Variants in CCL3L3 observed in about 807,000 individuals in gnomAD.
CCL3L3 encodes the protein C-C motif chemokine ligand 3 like 3.
CCL3L3 carries 6 observed loss-of-function variants against 9.0 expected under a neutral mutation model. The ratio of observed to expected loss-of-function variants is 0.67; its 90% confidence interval spans 0.37 to 1.32. CCL3L3 has a LOEUF of 1.32. Among genes scored for constraint, CCL3L3 ranks in the 40% most tolerant of loss-of-function variants. CCL3L3 has a pLI of 0.02. For synonymous variants in CCL3L3, 38 were observed against 45.7 expected (o/e 0.83, Z 0.68); for missense variants, 93 against 117.0 (o/e 0.79, Z 0.95).
intron 1 of CCL3L3, chr17:36,196,357 A>G (rs1348477649): frequency 8.9e-4 from 621 of 699,178 alleles, no homozygotes; most frequent in Non-Finnish European, 1.3e-4. Context: ...CTGTTTTTCT[A>G]TCTGTACAAG....
Position 36,194,924 on chromosome 17 carries a change from CAA to C in CCL3L3, c.*360_*361del. On this transcript the variant is annotated 3_prime_UTR_variant, in exon 3 of 3. Coordinates refer to ENST00000619989, the MANE Select transcript of CCL3L3 (RefSeq NM_001001437.4). The stretch of plus-strand genomic sequence containing the variant: ...TCCCCAGGCCGATCACAGCCCTGAA[CAA>C]AAGCATCTGATACACATTTGTCAGT... 1 of 272,694 alleles carries C rather than the reference CAA, an allele frequency of 3.7e-6. No homozygotes were observed. Among genetic ancestry groups the C allele is most frequent in the South Asian group, 5.9e-5 (1 of 16,932 alleles). 16.9% of individuals were successfully genotyped at this position (272,694 alleles called of 1,614,324 possible).
At position 36,195,005 on chromosome 17, in the gene CCL3L3, TGTC is replaced by T. The variant is rs2068605049; in HGVS notation, c.*278_*280del. The T allele has an allele frequency of 2.5e-6, 1 of 406,656 alleles. No homozygotes were observed. The highest frequency in any genetic ancestry group is 1.9e-5 in the African/African-American group (1 of 51,334). 25.2% of individuals were successfully genotyped at this position (406,656 alleles called of 1,614,324 possible). A position where few individuals can be genotyped will look rare whatever the true frequency, so the allele number is the denominator to read the frequency against. On this transcript the variant is annotated 3_prime_UTR_variant, in exon 3 of 3. Coordinates refer to ENST00000619989, the MANE Select transcript of CCL3L3 (RefSeq NM_001001437.4). ...CACAGGCCGATGACAGCCACTCGGT[TGTC>T]ACCAGACACACTGTGAGGGAAGGTG...
chr17:36,195,690 A>C (rs2068613415), intron 2 of CCL3L3, 108 bp downstream of exon 2: 1 of 1,403,296 alleles, frequency 7.1e-7, no homozygotes, highest in East Asian at 2.3e-5. Context: ...TGTATCCCCG[A>C]TAGGCTCCTG....
At chr17:36,195,957 A>T in intron 1 of CCL3L3, 45 bp from the exon 2 acceptor site, 3 of 1,569,574 alleles carry the variant, frequency 1.9e-6, no homozygotes, top group Non-Finnish European at 2.6e-6. Flanking sequence ...GCTCAGAAGA[A>T]AAGGCCAGGC....
rs1469974171 is a variant in CCL3L3 at position 36,196,632 on chromosome 17, G to T, written c.42C>A (p.Thr14=). ...AGAGGACCTGGTTGCAGAGAGCCAT[G>T]GTGCAGAGGAGGACGGCAAGGGCAG... ...STAALAVLLC[T]MALCNQVLSA... is the part of the protein sequence containing the mutation. Residue 14 remains threonine (T), a synonymous_variant, in exon 1 of 3, where the codon ACC becomes ACA. Transcript: ENST00000619989. 1.9e-6 allele frequency: 3 copies of T among 1,581,056 alleles called. No homozygotes were observed. The highest frequency in any genetic ancestry group is 2.6e-6 in the Non-Finnish European group (3 of 1,156,474).
rs2068608290 is a variant in CCL3L3, at chr17:36,195,291, C to T, written c.277G>A (p.Ala93Thr). The T allele has an allele frequency of 1.3e-6, 2 of 1,582,188 alleles. No homozygotes were observed. The highest frequency in any genetic ancestry group is 2.7e-5 in the African/African-American group (2 of 74,750). Reference protein sequence around the residue: ...QKYVSDLELSA With the variant: ...QKYVSDLELST ...CCTCGAAGCTTCTGGACCCCTCAGG[C>T]ACTCAGCTCCAGGTCACTGACGTAT... The change falls in exon 3 of 3, where the codon GCC becomes ACC. Residue 93 changes from alanine (A) to threonine (T), a missense_variant. By Grantham distance (58) the Ala-to-Thr change is moderately conservative. Transcript: ENST00000619989.
Position 36,195,321 on chromosome 17 carries a change from G to C in CCL3L3, c.247C>G (p.Gln83Glu). 1 of 1,582,524 alleles carries C rather than the reference G, an allele frequency of 6.3e-7. No homozygotes were observed. The highest frequency in any genetic ancestry group is 8.6e-7 in the Non-Finnish European group (1 of 1,157,620). Residue 83 changes from glutamine (Q) to glutamate (E), a missense_variant, in exon 3 of 3, where the codon CAG (glutamine) becomes GAG (glutamate). Coordinates refer to ENST00000619989, the MANE Select transcript of CCL3L3 (RefSeq NM_001001437.4). ...VCADPSEEWV[Q>E]KYVSDLELSA Reference sequence around the variant, plus strand: ...AGCTCCAGGTCACTGACGTATTTCTGGACCCACTCCTCACTGGGGTCAGCA... The same window carrying C: ...AGCTCCAGGTCACTGACGTATTTCTCGACCCACTCCTCACTGGGGTCAGCA...
In CCL3L3 at chr17:36,195,338, G is replaced by A. The variant is rs1176478600; in HGVS notation, c.230C>T (p.Pro77Leu). The change falls in exon 3 of 3, where the codon CCC (proline) becomes CTC (leucine). Residue 77 changes from proline to leucine, a missense_variant. Coordinates refer to ENST00000619989, the MANE Select transcript of CCL3L3 (RefSeq NM_001001437.4). Reference protein sequence around the residue: ...TKRGRQVCADPSEEWVQKYVS... With the variant: ...TKRGRQVCADLSEEWVQKYVS... ...GTATTTCTGGACCCACTCCTCACTG[G>A]GGTCAGCACAGACCTGCCGGCCTCT... 19 of 1,582,584 alleles carry A rather than the reference G, an allele frequency of 1.2e-5. 3 individuals carry two copies. Among genetic ancestry groups the A allele is most frequent in the Admixed American group, 1.7e-5 (1 of 59,158 alleles).
chr17:36,196,340 T>TTTCTATCTGTAAACTGAACCCTTGCAAAC, intron 1 of CCL3L3: 1 of 685,262 alleles, frequency 1.5e-6, no homozygotes, highest in Non-Finnish European at 2.7e-6. Context: ...CTGATTCGTT[T>TTTCTATCTGTAAACTGAACCCTTGCAAAC]TGAACCCTGT....
In CCL3L3 at chr17:36,195,849, A is replaced by T; in HGVS notation, c.140T>A (p.Phe47Tyr). The change falls in exon 2 of 3, where the codon TTC (phenylalanine) becomes TAC (tyrosine). Residue 47 changes from phenylalanine (F) to tyrosine (Y), a missense_variant. Physicochemically the swap from Phe to Tyr is conservative, Grantham distance 22. Transcript: ENST00000619989. ...GCTCGTCTCAAAGTAGTCAGCTATG[A>T]AATTCTGTGGAATCTGTCGGGAGGT... ...SYTSRQIPQN[F>Y]IADYFETSSQ... 1 of 1,583,094 alleles carries T rather than the reference A, an allele frequency of 6.3e-7. No individual in the cohort carries two copies. The highest frequency in any genetic ancestry group is 8.6e-7 in the Non-Finnish European group (1 of 1,157,788).
rs1253895083 is a variant in CCL3L3, at chr17:36,195,714, T to C, written c.191+84A>G. On this transcript the variant is annotated intron_variant, in intron 2 of 2. Coordinates refer to ENST00000619989, the MANE Select transcript of CCL3L3 (RefSeq NM_001001437.4). ...GATAGGCTCCTGAAGGCTGGGCCTT[T>C]CCAGGATGGCCTTCTGGCCTGTTTC... 9.3e-6 allele frequency: 14 copies of C among 1,500,492 alleles called. 1 individual carries two copies. The South Asian group carries it at 1.4e-4, about 15-fold the overall frequency. 92.9% of individuals were successfully genotyped at this position (1,500,492 alleles called of 1,614,324 possible).
Position 36,196,639 on chromosome 17 carries a change from A to G in CCL3L3, c.35T>C (p.Leu12Pro), listed in dbSNP as rs2068624269. The G allele has an allele frequency of 6.3e-7, 1 of 1,581,062 alleles. No homozygotes were observed. Among genetic ancestry groups the G allele is most frequent in the Non-Finnish European group, 8.6e-7 (1 of 1,156,446 alleles). Residue 12 changes from leucine (L) to proline (P), a missense_variant, in exon 1 of 3, where the codon CTC becomes CCC. Physicochemically the swap from Leu to Pro is moderately conservative, Grantham distance 98 (BLOSUM62 -3). Coordinates refer to ENST00000619989, the MANE Select transcript of CCL3L3 (RefSeq NM_001001437.4). The stretch of plus-strand genomic sequence containing the variant: ...CTGGTTGCAGAGAGCCATGGTGCAG[A>G]GGAGGACGGCAAGGGCAGCAGTGGA... Reference protein sequence around the residue: ...QVSTAALAVLLCTMALCNQVL... With the variant: ...QVSTAALAVLPCTMALCNQVL...
chr17:36,195,966 G>A, intron 1 of CCL3L3, 54 bp from the exon 2 acceptor site: 1 of 1,227,770 alleles, frequency 8.1e-7, no homozygotes, highest in South Asian at 1.5e-5. Flanking sequence ...AAAAGGCCAG[G>A]CAGCTTCTGA....
chr17:36,195,532 C>T, intron 2 of CCL3L3, 156 bp from the exon 3 acceptor site: 1 of 1,158,728 alleles, frequency 8.6e-7, no homozygotes, highest in East Asian at 2.3e-5. Flanking sequence ...GAGCTTCTCT[C>T]AGTGACTCCA....
chr17:36,196,436 A>C, intron 1 of CCL3L3, 162 bp downstream of exon 1: 6 of 939,308 alleles, frequency 6.4e-6, no homozygotes, highest in Non-Finnish European at 1.0e-5. Flanking sequence ...GACCCCTTCT[A>C]GAGATAAAAA....
chr17:36,196,436 A>T, intron 1 of CCL3L3, 162 bp downstream of exon 1: 1 of 939,308 alleles, frequency 1.1e-6, no homozygotes, highest in Non-Finnish European at 1.7e-6. Flanking sequence ...GACCCCTTCT[A>T]GAGATAAAAA....
Position 36,195,920 on chromosome 17 carries a change from G to A in CCL3L3, c.77-8C>T. The stretch of plus-strand genomic sequence containing the variant: ...TCGGCGTGTCAGCAGCAACTGCGGA[G>A]AAAGGAGAGAATAAGCCCGAGTCAC... On this transcript the variant is annotated splice_region_variant and splice_polypyrimidine_tract_variant and intron_variant, in intron 1 of 2. Coordinates refer to ENST00000619989, the MANE Select transcript of CCL3L3 (RefSeq NM_001001437.4). The A allele has an allele frequency of 6.3e-7, 1 of 1,582,772 alleles. No homozygotes were observed. Among genetic ancestry groups the A allele is most frequent in the Admixed American group, 1.7e-5 (1 of 59,196 alleles).
At chr17:36,195,560 A>C in intron 2 of CCL3L3, 184 bp from the exon 3 acceptor site, 6 of 1,061,834 alleles carry the variant, frequency 5.7e-6, no homozygotes, top group Non-Finnish European at 8.8e-6. Flanking sequence ...GGGCCCTCAG[A>C]GTGTCCTGCT....
intron 1 of CCL3L3, 185 bp from the exon 2 acceptor site, chr17:36,196,097 A>C: frequency 9.8e-6 from 7 of 714,030 alleles, no homozygotes; most frequent in Non-Finnish European, 1.7e-5. Context: ...TTGACTCTTC[A>C]TAGTGGGTTC....
Sources: allele counts gnomAD v4.1 joint callset, GRCh38; gene constraint gnomAD v4.1.1; transcripts MANE v1.5; gene names NCBI Gene and HGNC (gene_info 2026-07-23, HGNC 2026-07-21).